Variants in KCNJ16 observed in about 807,000 individuals in gnomAD.
The protein encoded by KCNJ16 is potassium inwardly rectifying channel subfamily J member 16, also known as inward rectifier potassium channel 16.
A neutral mutation model predicts 18.5 loss-of-function variants in KCNJ16; 15 were observed. That is an observed-to-expected ratio of 0.81 (90% CI 0.54 to 1.25). KCNJ16 has a LOEUF of 1.25. Ranked by LOEUF, KCNJ16 falls within the 50% of genes most tolerant of loss-of-function variation. The probability of loss-of-function intolerance (pLI) is 0.00; values close to 1 mark genes in which losing one functional copy is unlikely to be tolerated. For missense variants in KCNJ16, 523 were observed against 525.7 expected, an observed-to-expected ratio of 0.99 and a Z score of 0.05; for synonymous variants, 174 against 186.5, an observed-to-expected ratio of 0.93 and a Z score of 0.55.
At chr17:70,102,270 C>G (rs1240739062) in intron 2 of KCNJ16, 1 of 119,420 alleles carries the variant, frequency 8.4e-6, no homozygotes, top group Non-Finnish European at 1.6e-5. Context: ...CTCTGTTGCC[C>G]AGGCTGGAGT....
intron 2 of KCNJ16, among the ~76,000 whole-genome samples, chr17:70,103,147 AATAT>A (rs35045922): frequency 9.0e-5 from 13 of 144,990 alleles, no homozygotes; most frequent in South Asian, 8.5e-4. Flanking sequence ...ATGTGTATAT[AATAT>A]ATATAATTTA....
intron 1 of KCNJ16, among the ~76,000 whole-genome samples, chr17:70,076,293 T>C (rs1421833704): frequency 6.6e-6 from 1 of 152,128 alleles, no homozygotes. Flanking sequence ...GTTACTTTAG[T>C]ATGGGAAATG....
At chr17:70,112,466 T>C (rs1598150259) in intron 2 of KCNJ16, among the ~76,000 whole-genome samples, 3 of 151,768 alleles carry the variant, frequency 2.0e-5, no homozygotes, top group East Asian at 1.9e-4. Context: ...TCAGCTAAAA[T>C]GCCAGTATTT....
chr17:70,081,540 A>G (rs1047949658), intron 1 of KCNJ16, among the ~76,000 whole-genome samples: 1 of 152,188 alleles, frequency 6.6e-6, no homozygotes, highest in Non-Finnish European at 1.5e-5. Flanking sequence ...GTACAATAGA[A>G]ATCAGGGCAA....
chr17:70,123,050 C>T (rs957977068), intron 2 of KCNJ16, among the ~76,000 whole-genome samples: 7 of 152,186 alleles, frequency 4.6e-5, no homozygotes, highest in East Asian at 3.8e-4. Context: ...AATGGACAGC[C>T]GGCATGATCT....
chr17:70,130,368 C>G (rs2074013797), intron 2 of KCNJ16, among the ~76,000 whole-genome samples: 1 of 152,150 alleles, frequency 6.6e-6, no homozygotes, highest in South Asian at 2.1e-4. Context: ...TGGATCCCCC[C>G]AAATTGGGTT....
intron 1 of KCNJ16, among the ~76,000 whole-genome samples, chr17:70,087,805 A>G (rs1039074749): frequency 5.9e-5 from 9 of 152,144 alleles, no homozygotes; most frequent in Non-Finnish European, 1.2e-4. Context: ...ATGAGGAATC[A>G]AATCAGAAAA....
intron 1 of KCNJ16, among the ~76,000 whole-genome samples, chr17:70,081,237 G>A (rs2071539816): frequency 6.6e-6 from 1 of 152,048 alleles, no homozygotes; most frequent in Non-Finnish European, 1.5e-5. Context: ...TCGATCTCAC[G>A]CCCAAGGAGA....
At chr17:70,110,480 G>GCACACACACACACACACA (rs1337834954) in intron 2 of KCNJ16, among the ~76,000 whole-genome samples, 2,853 of 151,078 alleles carry the variant, frequency 0.019, 35 homozygotes, top group Non-Finnish European at 0.027. Flanking sequence ...CACTTCGTGC[G>GCACACACACACACACACA]CGCACACACA....
chr17:70,132,953 C>T lies in KCNJ16; in HGVS notation c.866C>T (p.Thr289Ile), dbSNP rs1183918815. 2 of 1,614,168 alleles carry T rather than the reference C, an allele frequency of 1.2e-6. No individual in the cohort carries two copies. The highest frequency in any genetic ancestry group is 1.7e-6 in the Non-Finnish European group (2 of 1,180,004). The change falls in exon 4 of 4, where the codon ACT becomes ATT. Residue 289 changes from threonine (T) to isoleucine (I), a missense_variant. Thr to Ile is a moderately conservative substitution (Grantham distance 89, BLOSUM62 -1). Coordinates refer to ENST00000392671, the MANE Select transcript of KCNJ16 (RefSeq NM_170741.4). ...LVTFIYTGDS[T>I]GTSHQSRSSY... ...ACATTTATCTATACTGGTGATTCCA[C>T]TGGAACATCTCACCAATCTAGAAGC...
chr17:70,110,083 A>G (rs992091476), intron 2 of KCNJ16, among the ~76,000 whole-genome samples: 1 of 152,142 alleles, frequency 6.6e-6, no homozygotes, highest in Non-Finnish European at 1.5e-5. Context: ...CGAAGATGGA[A>G]ATGTGCTTTT....
intron 2 of KCNJ16, among the ~76,000 whole-genome samples, chr17:70,106,518 T>C (rs1370279842): frequency 6.6e-6 from 1 of 152,180 alleles, no homozygotes; most frequent in Non-Finnish European, 1.5e-5. Flanking sequence ...CTCAGTAATA[T>C]ACCAAGTGGT....
At chr17:70,130,818 T>C in intron 2 of KCNJ16, 61 bp from the exon 3 acceptor site, 1 of 734,638 alleles carries the variant, frequency 1.4e-6, no homozygotes, top group East Asian at 2.7e-5. Flanking sequence ...ACACATATTC[T>C]AATAGTTACT....
At chr17:70,081,983 CT>C (rs2071576063) in intron 1 of KCNJ16, among the ~76,000 whole-genome samples, 1 of 152,148 alleles carries the variant, frequency 6.6e-6, no homozygotes, top group African/African-American at 2.4e-5. Flanking sequence ...AGGTTGTTGT[CT>C]TTTACACTTT....
At position 70,133,276 on chromosome 17, in the gene KCNJ16, T is replaced by C; in HGVS notation, c.1189T>C (p.Tyr397His). The part of the protein sequence containing the change: ...EETTTSATHE[Y>H]RETPYQKALL... ...GACCACCACTTCCGCCACACATGAA[T>C]ATAGGGAAACACCTTATCAGAAAGC... Residue 397 changes from tyrosine to histidine, a missense_variant, in exon 4 of 4, where the codon TAT becomes CAT. Transcript: ENST00000392671. 6.2e-7 allele frequency: 1 copy of C among 1,614,144 alleles called. No individual in the cohort carries two copies. Among genetic ancestry groups the C allele is most frequent in the Non-Finnish European group, 8.5e-7 (1 of 1,179,992 alleles).
rs770251035 is a variant in KCNJ16 at position 70,133,193 on chromosome 17, C to A, written c.1106C>A (p.Ala369Glu). The A allele has an allele frequency of 6.2e-7, 1 of 1,614,040 alleles. No individual in the cohort carries two copies. Among genetic ancestry groups the A allele is most frequent in the Admixed American group, 1.7e-5 (1 of 59,992 alleles). Reference protein sequence around the residue: ...VRESCTSDTKARRRSFSAVAI... With the variant: ...VRESCTSDTKERRRSFSAVAI... The stretch of plus-strand genomic sequence containing the variant: ...GAATCCTGCACGTCGGACACCAAGG[C>A]GAGACGAAGGTCATTTAGTGCAGTT... Residue 369 changes from alanine to glutamate, a missense_variant, in exon 4 of 4, where the codon GCG becomes GAG. Ala to Glu is a moderately radical substitution (Grantham distance 107). Transcript: ENST00000392671.
At chr17:70,090,998 T>G (rs1273411170) in intron 1 of KCNJ16, among the ~76,000 whole-genome samples, 1 of 5,012 alleles carries the variant, frequency 2.0e-4, no homozygotes, top group Non-Finnish European at 6.8e-4. Flanking sequence ...CCTCCACTTC[T>G]CTTATATGAC....
At chr17:70,101,625 G>A (rs986437500) in intron 2 of KCNJ16, 1 of 151,706 alleles carries the variant, frequency 6.6e-6, no homozygotes, top group Admixed American at 6.6e-5. Context: ...TGTCACCCAG[G>A]CTGGAGTGCA....
intron 1 of KCNJ16, among the ~76,000 whole-genome samples, chr17:70,086,275 A>G (rs2071792487): frequency 6.6e-6 from 1 of 152,198 alleles, no homozygotes; most frequent in Non-Finnish European, 1.5e-5. Context: ...AATGATCTGA[A>G]GTCATCCACT....
Sources: gnomAD v4.1 joint callset for allele counts (sites outside exome capture counted in the v4.1 genomes callset) on GRCh38, gnomAD v4.1.1 for gene constraint, MANE v1.5 for transcripts, NCBI Gene and HGNC (gene_info 2026-07-23, HGNC 2026-07-21) for gene names.